INSC: variants seen among roughly 807,000 people sequenced by gnomAD.
INSC encodes the protein INSC spindle orientation adaptor protein.
INSC carries 67 observed loss-of-function variants against 58.6 expected under a neutral mutation model. The ratio of observed to expected loss-of-function variants is 1.14; its 90% CI spans 0.94 to 1.40. The LOEUF (loss-of-function observed/expected upper bound fraction) is 1.40, where lower values mean the gene tolerates loss of function less well. Among genes scored for constraint, INSC ranks in the 40% most tolerant of loss-of-function variants. The probability of loss-of-function intolerance (pLI) is 0.00; values close to 1 mark genes in which losing one functional copy is unlikely to be tolerated. For missense variants in INSC, 714 were observed against 692.0 expected, an observed-to-expected ratio of 1.03 and a Z score of -0.36; for synonymous variants, 262 against 276.1, an observed-to-expected ratio of 0.95 and a Z score of 0.51.
rs529967990 is a variant in INSC at position 15,234,553 on chromosome 11, G to A, written c.1171-1049G>A. Among the ~76,000 whole-genome samples, 138 of 152,244 alleles carry A rather than the reference G, an allele frequency of 9.1e-4. 1 individual carries two copies. Among genetic ancestry groups the A allele is most frequent in the African/African-American group, 3.2e-3 (131 of 41,538 alleles). ...TGTCAACTGCTGTCTCAGCGGAGGG[G>A]GGACACAGTTTTTGCTTATACCATC... On this transcript the variant is annotated intron_variant, in intron 9 of 12. Transcript: ENST00000379556.
chr11:15,256,552 A>T, the INSC span, among the ~76,000 whole-genome samples: 111,210 of 150,550 alleles, frequency 0.74, 41,246 homozygotes, highest in South Asian at 0.8. Flanking sequence ...TACAGTGGCA[A>T]GATCTTGGCT....
At chr11:15,160,745 T>G (rs1311200171) in intron 2 of INSC, among the ~76,000 whole-genome samples, 1 of 152,202 alleles carries the variant, frequency 6.6e-6, no homozygotes, top group Admixed American at 6.5e-5. Flanking sequence ...CATTGGCTCA[T>G]AAGAGTGAAA....
intron 9 of INSC, 26 bp downstream of exon 9, chr11:15,225,854 A>C (rs7113449): frequency 0.05 from 79,596 of 1,601,744 alleles, 4,304 homozygotes; most frequent in African/African-American, 0.28. Flanking sequence ...GGCACTGAGC[A>C]CAGGGCCCAT....
At chr11:15,146,542 A>G (rs1848496753) in intron 1 of INSC, among the ~76,000 whole-genome samples, 1 of 152,186 alleles carries the variant, frequency 6.6e-6, no homozygotes. Flanking sequence ...CTGGGAAGCT[A>G]TGGGTCAAAA....
chr11:15,239,694 T>C (rs777229763), intron 11 of INSC, among the ~76,000 whole-genome samples: 13 of 152,198 alleles, frequency 8.5e-5, no homozygotes, highest in Non-Finnish European at 1.8e-4. Context: ...TTCAGTATCA[T>C]GGGAGTGACA....
upstream of INSC, among the ~76,000 whole-genome samples, chr11:15,113,079 CCTTT>C (rs919138933): frequency 2.0e-5 from 3 of 146,660 alleles, no homozygotes; most frequent in African/African-American, 7.6e-5. Flanking sequence ...TCCCTCCCTT[CCTTT>C]CTTCCTTCCT....
At chr11:15,159,540 A>G (rs1381794335) in intron 2 of INSC, among the ~76,000 whole-genome samples, 1 of 152,236 alleles carries the variant, frequency 6.6e-6, no homozygotes, top group Non-Finnish European at 1.5e-5. Flanking sequence ...GAATAGCTGG[A>G]TGTGTGTGTA....
chr11:15,141,641 G>T lies in INSC; in HGVS notation c.-45-7489G>T, dbSNP rs370713667. 9.2e-5 allele frequency among the ~76,000 whole-genome samples: 14 copies of T among 152,244 alleles called. No homozygotes were observed. In the East Asian group the frequency reaches 1.9e-3, roughly 21 times the overall value. ...TCTTGTGCCTCCCCTGGGAACGAGG[G>T]GTGTTAAAGTATCTGATTGCTGCAG... On this transcript the variant is annotated intron_variant, in intron 1 of 12. Coordinates refer to ENST00000379556, the MANE Select transcript of INSC (RefSeq NM_001042536.3).
At chr11:15,170,284 A>G (rs910994626) in intron 2 of INSC, among the ~76,000 whole-genome samples, 9 of 152,000 alleles carry the variant, frequency 5.9e-5, no homozygotes, top group Non-Finnish European at 1.5e-5. Flanking sequence ...TTTTTCATGA[A>G]TATCCTTTCT....
At chr11:15,203,692 C>T (rs1850684700) in intron 7 of INSC, among the ~76,000 whole-genome samples, 1 of 152,196 alleles carries the variant, frequency 6.6e-6, no homozygotes, top group African/African-American at 2.4e-5. Flanking sequence ...GGGAGTATAA[C>T]AGTGAACAAA....
At chr11:15,188,964 T>G (rs940433128) in intron 5 of INSC, among the ~76,000 whole-genome samples, 1 of 152,210 alleles carries the variant, frequency 6.6e-6, no homozygotes, top group African/African-American at 2.4e-5. Context: ...TCTTGGTTAT[T>G]AATTTTACCT....
At position 15,178,452 on chromosome 11, in the gene INSC, GTGCAGGCTGGGC is replaced by G; in HGVS notation, c.579+12_579+23del. The G allele has an allele frequency of 6.2e-7, 1 of 1,608,348 alleles. No individual in the cohort carries two copies. Among genetic ancestry groups the G allele is most frequent in the East Asian group, 2.2e-5 (1 of 44,866 alleles). The stretch of plus-strand genomic sequence containing the variant: ...GCCCTGACACGGGAGGTTCAGGTCA[GTGCAGGCTGGGC>G]TGCAGGGAGGGGTGCTTGTGTGGAC... On this transcript the variant is annotated splice_donor_region_variant and intron_variant, in intron 5 of 12. Transcript: ENST00000379556.
the INSC span, among the ~76,000 whole-genome samples, chr11:15,254,784 C>G: frequency 5.9e-5 from 9 of 152,264 alleles, no homozygotes; most frequent in South Asian, 1.5e-3. Flanking sequence ...GTGTTAGAAA[C>G]AGAGACTATT....
At chr11:15,208,076 A>G (rs979075477) in intron 7 of INSC, among the ~76,000 whole-genome samples, 1 of 152,226 alleles carries the variant, frequency 6.6e-6, no homozygotes. Context: ...TATATAAGCC[A>G]GGCTGGATAG....
upstream of INSC, among the ~76,000 whole-genome samples, chr11:15,113,093 T>A (rs190351672): frequency 6.8e-6 from 1 of 147,020 alleles, no homozygotes; most frequent in East Asian, 2.0e-4. Flanking sequence ...TCTTCCTTCC[T>A]TCCTCTTTCT....
chr11:15,137,454 G>T (rs1848272675), intron 1 of INSC, among the ~76,000 whole-genome samples: 1 of 152,126 alleles, frequency 6.6e-6, no homozygotes, highest in African/African-American at 2.4e-5. Context: ...AGGCTGTTTT[G>T]TCTCCATTGA....
At chr11:15,205,149 G>T (rs1850748120) in intron 7 of INSC, among the ~76,000 whole-genome samples, 2 of 152,146 alleles carry the variant, frequency 1.3e-5, no homozygotes, top group African/African-American at 4.8e-5. Flanking sequence ...GGTGAGGCAG[G>T]AGCAATGCAT....
chr11:15,207,796 TTAA>T (rs1277386755), intron 7 of INSC, among the ~76,000 whole-genome samples: 3 of 152,218 alleles, frequency 2.0e-5, no homozygotes, highest in Non-Finnish European at 4.4e-5. Context: ...AAACCTCACT[TTAA>T]TCAGTTTTTC....
intron 8 of INSC, among the ~76,000 whole-genome samples, chr11:15,222,262 C>T (rs1714333): frequency 0.36 from 55,412 of 152,110 alleles, 10,310 homozygotes; most frequent in Non-Finnish European, 0.4. Context: ...AAACTGAAAG[C>T]GCTTGTCTGG....
Sources: allele counts gnomAD v4.1 joint callset (sites outside exome capture counted in the v4.1 genomes callset), GRCh38; gene constraint gnomAD v4.1.1; transcripts MANE v1.5; gene names NCBI Gene and HGNC (gene_info 2026-07-23, HGNC 2026-07-21).